The following PKMYT1 variants were observed in gnomAD, a reference collection of about 807,000 sequenced individuals.
PKMYT1 encodes the protein membrane-associated tyrosine- and threonine-specific cdc2-inhibitory kinase.
PKMYT1 carries 35 observed loss-of-function variants against 49.7 expected under a neutral mutation model. The ratio of observed to expected loss-of-function variants is 0.70; its 90% CI spans 0.54 to 0.93. PKMYT1 has a LOEUF of 0.93. Among genes scored for constraint, PKMYT1 ranks in the 40% least tolerant of loss-of-function variants. The pLI, the probability that PKMYT1 is intolerant of heterozygous loss-of-function variation, is 0.00. For missense variants in PKMYT1, 677 were observed against 673.1 expected (o/e 1.01, Z -0.06); for synonymous variants, 331 against 287.6 (o/e 1.15, Z -1.53).
At position 2,979,733 on chromosome 16, in the gene PKMYT1, TC is replaced by T. The variant is rs2072292212; in HGVS notation, c.-77del. On this transcript the variant is annotated 5_prime_UTR_variant, in exon 2 of 9. Coordinates refer to ENST00000262300, the MANE Select transcript of PKMYT1 (RefSeq NM_004203.5). Reference sequence around the variant, plus strand: ...GGGGCTCCCACGTGAATCCAGGGTGTCCCTGAGCTAAGGCCAGGCGGGGGTG... The same window carrying T: ...GGGGCTCCCACGTGAATCCAGGGTGTCCTGAGCTAAGGCCAGGCGGGGGTG... The T allele has an allele frequency of 1.2e-6, 2 of 1,606,422 alleles. No individual in the cohort carries two copies. Among genetic ancestry groups the T allele is most frequent in the African/African-American group, 2.7e-5 (2 of 74,868 alleles).
At chr16:2,977,733 C>T (rs1310070787) in intron 2 of PKMYT1, among the ~76,000 whole-genome samples, 4 of 152,200 alleles carry the variant, frequency 2.6e-5, no homozygotes, top group Non-Finnish European at 5.9e-5. Flanking sequence ...CTCCAGCACC[C>T]CTCTCCCCCC....
Position 2,972,916 on chromosome 16 carries a change from G to C in PKMYT1, c.*37C>G, listed in dbSNP as rs1456371045. 1.9e-6 allele frequency: 3 copies of C among 1,573,406 alleles called. No individual in the cohort carries two copies. The East Asian group carries it at 6.9e-5, about 36-fold the overall frequency. On this transcript the variant is annotated 3_prime_UTR_variant, in exon 9 of 9. Transcript: ENST00000262300. ...TTCAAGGGCGACGGGAGAGACACAG[G>C]ATAAAAGGTTAAAAGTGCAGAGGCA...
In PKMYT1 at chr16:2,979,726, C is replaced by T; in HGVS notation, c.-69G>A. The T allele has an allele frequency of 5.6e-6, 9 of 1,609,960 alleles. No homozygotes were observed. The highest frequency in any genetic ancestry group is 7.6e-6 in the Non-Finnish European group (9 of 1,177,592). ...AGGAGCAGGGGCTCCCACGTGAATC[C>T]AGGGTGTCCCTGAGCTAAGGCCAGG... On this transcript the variant is annotated 5_prime_UTR_variant, in exon 2 of 9. Coordinates refer to ENST00000262300, the MANE Select transcript of PKMYT1 (RefSeq NM_004203.5).
chr16:2,976,720 G>A lies in PKMYT1; in HGVS notation c.322C>T (p.Gln108Ter). The A allele has an allele frequency of 6.7e-7, 1 of 1,496,666 alleles. No individual in the cohort carries two copies. The highest frequency in any genetic ancestry group is 1.4e-5 in the African/African-American group (1 of 71,548). The allele number at this position is 1,496,666 out of a possible 1,614,324, so 92.7% of individuals were successfully genotyped here. Residue 108 changes from glutamine (Q) to a stop codon, truncating the protein, a stop_gained, in exon 3 of 9, where the codon CAG becomes TAG. Transcript: ENST00000262300. LOFTEE classifies it high-confidence loss of function. The part of the protein sequence containing the change: ...DPSRPESFFQ[Q>*]SFQRLSRLGH... ...AGGCGGCTGAGCCTCTGGAAGCTCT[G>A]CTGGAAGAAGGACTCTGGCCGGCTT...
chr16:2,976,978 T>A lies in PKMYT1; in HGVS notation c.64A>T (p.Ser22Cys), dbSNP rs376033267. 8.3e-6 allele frequency: 13 copies of A among 1,563,140 alleles called. No homozygotes were observed. In the Admixed American group the frequency reaches 2.4e-4, roughly 29 times the overall value. Residue 22 changes from serine (S) to cysteine (C), a missense_variant, in exon 3 of 9, where the codon AGT becomes TGT. By Grantham distance (112) the Ser-to-Cys change is moderately radical. Transcript: ENST00000262300. ...MPTEGTPPPL[S>C]GTPIPVPAYF... ...GCTGGGACTGGGATGGGGGTGCCAC[T>A]CAGAGGTGGCGGGGTGCCCTCCGTG...
Position 2,974,554 on chromosome 16 carries a change from A to T in PKMYT1, c.975T>A (p.Thr325=). The part of the protein sequence containing the change: ...LRQGYLPPEF[T]AGLSSELRSV... ...CTCCCGCCCTCACCTACTCACCGGC[A>T]GTGAACTCAGGGGGCAGGTAGCCCT... Residue 325 remains threonine, a synonymous_variant, in exon 5 of 9, where the codon ACT becomes ACA. Transcript: ENST00000262300. 1 of 1,571,062 alleles carries T rather than the reference A, an allele frequency of 6.4e-7. No individual in the cohort carries two copies.
Position 2,972,975 on chromosome 16 carries a change from T to C in PKMYT1, c.1478A>G (p.Glu493Gly). Residue 493 changes from glutamate to glycine, a missense_variant, in exon 9 of 9, where the codon GAG becomes GGG. Physicochemically the swap from Glu to Gly is moderately conservative, Grantham distance 98. Transcript: ENST00000262300. ...FEPRNLLSLF[E>G]DTLDPT ...GGCTCAGGTTGGGTCTAGGGTGTCCTCAAACAGGCTGAGGAGGTTCCGAGG... is the reference window on the plus strand; with the variant it reads ...GGCTCAGGTTGGGTCTAGGGTGTCCCCAAACAGGCTGAGGAGGTTCCGAGG... 6.2e-7 allele frequency: 1 copy of C among 1,609,190 alleles called. No homozygotes were observed. Among genetic ancestry groups the C allele is most frequent in the Non-Finnish European group, 8.5e-7 (1 of 1,178,756 alleles).
At chr16:2,973,093 A>T (rs2072048557) in intron 8 of PKMYT1, 29 bp from the exon 9 acceptor site, 1 of 1,576,596 alleles carries the variant, frequency 6.3e-7, no homozygotes, top group South Asian at 1.2e-5. Context: ...GACACTCAGG[A>T]TCCAAAAGCT....
chr16:2,979,710 G>C lies in PKMYT1; in HGVS notation c.-53C>G. On this transcript the variant is annotated 5_prime_UTR_variant, in exon 2 of 9. Transcript: ENST00000262300. ...GTGGGACGGGGGAGGCAGGAGCAGG[G>C]GCTCCCACGTGAATCCAGGGTGTCC... 6.2e-7 allele frequency: 1 copy of C among 1,612,750 alleles called. No homozygotes were observed. The highest frequency in any genetic ancestry group is 8.5e-7 in the Non-Finnish European group (1 of 1,179,386).
chr16:2,975,734 G>A lies in PKMYT1; in HGVS notation c.457C>T (p.Arg153Cys), dbSNP rs368720100. ...SPFRGPKDRA[R>C]KLAEVGSHEK... ...TGGCTGCCCACCTCGGCCAACTTGC[G>A]GGCCCGGTCCTTGGGGCCCCGGAAT... Residue 153 changes from arginine (R) to cysteine (C), a missense_variant, in exon 4 of 9, where the codon CGC (arginine) becomes TGC (cysteine). Transcript: ENST00000262300. 9.4e-6 allele frequency: 15 copies of A among 1,603,502 alleles called. No individual in the cohort carries two copies. The highest frequency in any genetic ancestry group is 4.5e-5 in the East Asian group (2 of 44,888).
chr16:2,974,600 T>C lies in PKMYT1; in HGVS notation c.929A>G (p.Glu310Gly). The part of the protein sequence containing the change: ...ACNMELPHGG[E>G]GWQQLRQGYL... ...GCCCTGGCGCAGCTGCTGCCAGCCC[T>C]CCCCACCGTGGGGCAGCTCCATGTT... Residue 310 changes from glutamate (E) to glycine (G), a missense_variant, in exon 5 of 9, where the codon GAG becomes GGG. Transcript: ENST00000262300. 1 of 1,583,564 alleles carries C rather than the reference T, an allele frequency of 6.3e-7. No homozygotes were observed. Among genetic ancestry groups the C allele is most frequent in the Non-Finnish European group, 8.6e-7 (1 of 1,165,376 alleles).
rs766358175 is a variant in PKMYT1 at position 2,976,788 on chromosome 16, C to T, written c.254G>A (p.Arg85Gln). The change falls in exon 3 of 9, where the codon CGG becomes CAG. Residue 85 changes from arginine (R) to glutamine (Q), a missense_variant. Transcript: ENST00000262300. ...CTGCAGAGTCTCTGAGGCCTCGCCC[C>T]GGAATGACACCCGCCGGGGCTGCAG... ...HQLQPRRVSF[R>Q]GEASETLQSP... is the part of the protein sequence containing the mutation. 39 of 1,577,172 alleles carry T rather than the reference C, an allele frequency of 2.5e-5. No homozygotes were observed. Among genetic ancestry groups the T allele is most frequent in the South Asian group, 1.6e-4 (14 of 87,136 alleles).
rs756537778 is a variant in PKMYT1 at position 2,973,183 on chromosome 16, C to G, written c.1343G>C (p.Arg448Pro). The G allele has an allele frequency of 1.3e-6, 2 of 1,522,940 alleles. No individual in the cohort carries two copies. The highest frequency in any genetic ancestry group is 8.8e-7 in the Non-Finnish European group (1 of 1,130,532). The allele number at this position is 1,522,940 out of a possible 1,614,324, so 94.3% of individuals were successfully genotyped here. ...GGGGGTGGAGGTGCTCCCCACAGTC[C>G]GGGCCAGGACAGCCTCAGGGGAGAG... ...PSLSPEAVLA[R>P]TVGSTSTPRS... Residue 448 changes from arginine (R) to proline (P), a missense_variant, in exon 8 of 9, where the codon CGG becomes CCG. Physicochemically the swap from Arg to Pro is moderately radical, Grantham distance 103. Coordinates refer to ENST00000262300, the MANE Select transcript of PKMYT1 (RefSeq NM_004203.5).
intron 3 of PKMYT1, among the ~76,000 whole-genome samples, 184 bp downstream of exon 3, chr16:2,976,480 G>A (rs2072196906): frequency 6.6e-6 from 1 of 152,226 alleles, no homozygotes; most frequent in Non-Finnish European, 1.5e-5. Flanking sequence ...AACCCCTGGA[G>A]GGGCCTGCAT....
At position 2,976,910 on chromosome 16, in the gene PKMYT1, G is replaced by C. The variant is rs1382265548; in HGVS notation, c.132C>G (p.Pro44=). The change falls in exon 3 of 9, where the codon CCC becomes CCG. Residue 44 remains proline (P), a synonymous_variant. Transcript: ENST00000262300. ...GTGGGAGGCTCCGGCTGAGCCCCCT[G>C]GGCCTCTTGAGGGAGAATCCAGGTT... is the stretch of plus-strand genomic sequence containing the variant. ...HAEPGFSLKR[P]RGLSRSLPPP... The C allele has an allele frequency of 6.5e-7, 1 of 1,543,158 alleles. No homozygotes were observed.
At chr16:2,980,261 C>G (rs1254616638) in intron 1 of PKMYT1, 25 bp downstream of exon 1, 1 of 154,088 alleles carries the variant, frequency 6.5e-6, no homozygotes, top group Non-Finnish European at 1.4e-5. Flanking sequence ...ACGCCGAGGC[C>G]CCTCACGGCG....
Position 2,974,535 on chromosome 16 carries a change from C to T in PKMYT1, c.979+15G>A. On this transcript the variant is annotated intron_variant, in intron 5 of 8. Transcript: ENST00000262300. ...GAGCCCGTGGCAGCACCCCCTCCCG[C>T]CCTCACCTACTCACCGGCAGTGAAC... 1 of 1,550,952 alleles carries T rather than the reference C, an allele frequency of 6.4e-7. No homozygotes were observed. Among genetic ancestry groups the T allele is most frequent in the Non-Finnish European group, 8.7e-7 (1 of 1,144,762 alleles).
chr16:2,976,640 C>T (rs1334152360), intron 3 of PKMYT1, 24 bp downstream of exon 3: 9 of 1,436,294 alleles, frequency 6.3e-6, no homozygotes, highest in Non-Finnish European at 8.3e-6. Context: ...CCCAGATGGG[C>T]CTAGAAGCCG....
At position 2,975,300 on chromosome 16, in the gene PKMYT1, G is replaced by A; in HGVS notation, c.872+19C>T. ...GCCTCCCACAGCCTGCCAAACACCTGGCGTGCCCCGGTCCCCACCTGAACA... is the reference window on the plus strand; with the variant it reads ...GCCTCCCACAGCCTGCCAAACACCTAGCGTGCCCCGGTCCCCACCTGAACA... On this transcript the variant is annotated intron_variant, in intron 4 of 8. Coordinates refer to ENST00000262300, the MANE Select transcript of PKMYT1 (RefSeq NM_004203.5). The A allele has an allele frequency of 6.3e-7, 1 of 1,589,446 alleles. No homozygotes were observed. Among genetic ancestry groups the A allele is most frequent in the Non-Finnish European group, 8.6e-7 (1 of 1,165,326 alleles).
Sources: gnomAD v4.1 joint callset for allele counts (sites outside exome capture counted in the v4.1 genomes callset) on GRCh38, gnomAD v4.1.1 for gene constraint, MANE v1.5 for transcripts, NCBI Gene and HGNC (gene_info 2026-07-23, HGNC 2026-07-21) for gene names.